The following LACTB2 variants were observed in gnomAD, a reference collection of about 807,000 sequenced individuals.
LACTB2 encodes the protein lactamase beta 2, also known as endoribonuclease LACTB2.
A neutral mutation model predicts 34.8 loss-of-function variants in LACTB2; 32 were observed. The ratio of observed to expected loss-of-function variants is 0.92; its 90% CI spans 0.69 to 1.24. LACTB2 has a LOEUF of 1.24. Among genes scored for constraint, LACTB2 ranks in the 50% most tolerant of loss-of-function variants. The pLI, the probability that LACTB2 is intolerant of heterozygous loss-of-function variation, is 0.00. For synonymous variants in LACTB2, 120 were observed against 117.5 expected (o/e 1.02, Z -0.14); for missense variants, 320 against 345.0 (o/e 0.93, Z 0.57).
chr8:70,651,689 G>T (rs1818345500), intron 3 of LACTB2: 1 of 141,186 alleles, frequency 7.1e-6, no homozygotes, highest in Non-Finnish European at 1.6e-5. Flanking sequence ...TTGTTTTTCT[G>T]TGATATAAAC....
intron 3 of LACTB2, chr8:70,645,955 A>G (rs1201076362): frequency 5.9e-5 from 9 of 152,268 alleles, no homozygotes; most frequent in African/African-American, 2.2e-4. Flanking sequence ...TGATAAACAT[A>G]CATGTGCATG....
intron 1 of LACTB2, among the ~76,000 whole-genome samples, chr8:70,665,495 CCTA>C (rs1410542223): frequency 6.6e-6 from 1 of 152,164 alleles, no homozygotes; most frequent in Admixed American, 6.5e-5. Flanking sequence ...TTTCTGAACA[CCTA>C]CTATGAGCAC....
At chr8:70,649,382 G>A (rs1818309111) in intron 3 of LACTB2, among the ~76,000 whole-genome samples, 2 of 152,168 alleles carry the variant, frequency 1.3e-5, no homozygotes, top group Admixed American at 6.5e-5. Flanking sequence ...AATCCATGAT[G>A]CATTTAAACA....
chr8:70,647,949 C>G (rs540906021), intron 3 of LACTB2, among the ~76,000 whole-genome samples: 57 of 48,304 alleles, frequency 1.2e-3, no homozygotes, highest in African/African-American at 3.9e-3. Context: ...TGACAATATA[C>G]TAAAAAAAAG....
intron 1 of LACTB2, among the ~76,000 whole-genome samples, chr8:70,667,298 T>C (rs1009817854): frequency 6.6e-6 from 1 of 152,236 alleles, no homozygotes; most frequent in Admixed American, 6.5e-5. Flanking sequence ...AAGCCGCTTG[T>C]GATCTTAGAA....
At chr8:70,666,720 G>C (rs182574086) in intron 1 of LACTB2, among the ~76,000 whole-genome samples, 1 of 152,210 alleles carries the variant, frequency 6.6e-6, no homozygotes, top group South Asian at 2.1e-4. Context: ...AGTGACAGCA[G>C]GGGACATGAA....
At chr8:70,643,380 G>A (rs1474839763) in intron 4 of LACTB2, among the ~76,000 whole-genome samples, 20 of 151,544 alleles carry the variant, frequency 1.3e-4, no homozygotes, top group Admixed American at 9.9e-4. Flanking sequence ...CTGCCACCAC[G>A]CCTGGGTAAT....
chr8:70,651,511 C>T (rs1433962193), intron 3 of LACTB2, among the ~76,000 whole-genome samples: 3 of 151,864 alleles, frequency 2.0e-5, no homozygotes, highest in Non-Finnish European at 4.4e-5. Context: ...CATTAACAAA[C>T]AGAACCCCAA....
At position 70,657,894 on chromosome 8, in the gene LACTB2, A is replaced by T. The variant is rs763387760; in HGVS notation, c.287-12T>A. Reference sequence around the variant, plus strand: ...GCAATAGGTAGTGTCTAGTCATAAAACATATAAAATATATTAATTCACACT... The same window carrying T: ...GCAATAGGTAGTGTCTAGTCATAAATCATATAAAATATATTAATTCACACT... On this transcript the variant is annotated splice_polypyrimidine_tract_variant and intron_variant, in intron 2 of 6. Coordinates refer to ENST00000276590, the MANE Select transcript of LACTB2 (RefSeq NM_016027.3). 3.8e-5 allele frequency: 59 copies of T among 1,556,562 alleles called. No individual in the cohort carries two copies. The highest frequency in any genetic ancestry group is 5.0e-5 in the Non-Finnish European group (57 of 1,138,210).
At chr8:70,638,972 T>C (rs1392139176) in intron 5 of LACTB2, among the ~76,000 whole-genome samples, 1 of 152,038 alleles carries the variant, frequency 6.6e-6, no homozygotes, top group African/African-American at 2.4e-5. Flanking sequence ...TCTCTTGACC[T>C]TGTGATCCAC....
chr8:70,665,149 T>A (rs908104230), intron 1 of LACTB2, among the ~76,000 whole-genome samples: 6 of 152,266 alleles, frequency 3.9e-5, no homozygotes, highest in Admixed American at 3.3e-4. Flanking sequence ...TAGTATCATC[T>A]CTACATGGGC....
At chr8:70,650,130 G>A (rs145698169) in intron 3 of LACTB2, among the ~76,000 whole-genome samples, 35 of 152,230 alleles carry the variant, frequency 2.3e-4, no homozygotes, top group African/African-American at 6.7e-4. Flanking sequence ...TTACAGGTAT[G>A]AGCCACCATG....
At chr8:70,641,235 C>T (rs1199439253) in intron 4 of LACTB2, among the ~76,000 whole-genome samples, 185 bp from the exon 5 acceptor site, 4 of 151,922 alleles carry the variant, frequency 2.6e-5, no homozygotes, top group Non-Finnish European at 5.9e-5. Context: ...TACAATACCC[C>T]CCAATTAGAA....
intron 1 of LACTB2, among the ~76,000 whole-genome samples, chr8:70,666,223 T>G (rs1818531663): frequency 6.6e-6 from 1 of 152,168 alleles, no homozygotes; most frequent in African/African-American, 2.4e-5. Context: ...TGAACTGATG[T>G]TATAGTGGGG....
intron 1 of LACTB2, 101 bp from the exon 2 acceptor site, chr8:70,661,998 A>C (rs1054775562): frequency 5.7e-6 from 6 of 1,045,788 alleles, no homozygotes; most frequent in Non-Finnish European, 6.8e-6. Flanking sequence ...TGCAAAAATT[A>C]TTTTACTTTT....
intron 3 of LACTB2, among the ~76,000 whole-genome samples, chr8:70,655,693 C>A (rs911242870): frequency 6.6e-6 from 1 of 152,150 alleles, no homozygotes; most frequent in African/African-American, 2.4e-5. Context: ...ATAATGACTT[C>A]TTTTCCTCTG....
intron 3 of LACTB2, among the ~76,000 whole-genome samples, chr8:70,657,082 C>A (rs935334043): frequency 1.3e-5 from 2 of 152,048 alleles, no homozygotes; most frequent in Non-Finnish European, 2.9e-5. Context: ...TTGAAACCCT[C>A]AGATAGGTCA....
intron 2 of LACTB2, among the ~76,000 whole-genome samples, chr8:70,659,705 TA>T (rs1189796746): frequency 1.3e-5 from 2 of 152,154 alleles, no homozygotes; most frequent in Admixed American, 6.5e-5. Flanking sequence ...AGTAGACAAT[TA>T]AAAAATCACA....
At chr8:70,641,522 A>G (rs141420623) in intron 4 of LACTB2, among the ~76,000 whole-genome samples, 37 of 152,300 alleles carry the variant, frequency 2.4e-4, no homozygotes, top group African/African-American at 8.7e-4. Flanking sequence ...CATAGCTAAG[A>G]AGGGGTGGAG....
Sources: gnomAD v4.1 joint callset for allele counts (sites outside exome capture counted in the v4.1 genomes callset) on GRCh38, gnomAD v4.1.1 for gene constraint, MANE v1.5 for transcripts, NCBI Gene and HGNC (gene_info 2026-07-23, HGNC 2026-07-21) for gene names.